The following CCDC50 variants were observed in gnomAD, a reference collection of about 807,000 sequenced individuals.
CCDC50 encodes the protein coiled-coil domain-containing protein 50.
CCDC50 carries 54 observed loss-of-function variants against 70.2 expected under a neutral mutation model. The ratio of observed to expected loss-of-function variants is 0.77; its 90% CI spans 0.62 to 0.96. The LOEUF is 0.96. Among genes scored for constraint, CCDC50 ranks in the 50% least tolerant of loss-of-function variants. The pLI is 0.00. For missense variants in CCDC50, 558 were observed against 578.7 expected, an observed-to-expected ratio of 0.96 and a Z score of 0.37; for synonymous variants, 216 against 198.8, an observed-to-expected ratio of 1.09 and a Z score of -0.73.
chr3:191,333,481 A>G (rs553380903), intron 1 of CCDC50, among the ~76,000 whole-genome samples: 1 of 152,342 alleles, frequency 6.6e-6, no homozygotes, highest in South Asian at 2.1e-4. Context: ...TGAGATGTAC[A>G]TATATCTGGC....
At chr3:191,356,657 A>T (rs1712292724) in intron 1 of CCDC50, among the ~76,000 whole-genome samples, 1 of 152,266 alleles carries the variant, frequency 6.6e-6, no homozygotes, top group African/African-American at 2.4e-5. Flanking sequence ...AACCACAGGG[A>T]AGCATAGATT....
At chr3:191,335,916 T>A (rs1346383950) in intron 1 of CCDC50, among the ~76,000 whole-genome samples, 1 of 151,266 alleles carries the variant, frequency 6.6e-6, no homozygotes, top group African/African-American at 2.4e-5. Context: ...ACCCCCAAAC[T>A]TCTCAACCCC....
chr3:191,353,632 A>G (rs994554789), intron 1 of CCDC50, among the ~76,000 whole-genome samples: 2 of 142,010 alleles, frequency 1.4e-5, no homozygotes, highest in Non-Finnish European at 3.2e-5. Context: ...TGAATATGTG[A>G]TTGTTTTCCA....
intron 5 of CCDC50, among the ~76,000 whole-genome samples, chr3:191,370,889 G>A (rs1008147700): frequency 2.0e-5 from 3 of 152,102 alleles, no homozygotes; most frequent in Non-Finnish European, 2.9e-5. Context: ...AAACTTTAGC[G>A]ACTTGGAATG....
intron 11 of CCDC50, among the ~76,000 whole-genome samples, chr3:191,390,603 T>G (rs1161662826): frequency 6.6e-6 from 1 of 152,222 alleles, no homozygotes; most frequent in African/African-American, 2.4e-5. Flanking sequence ...CCATGGCATC[T>G]GTAACCTGTC....
rs529170409 is a variant in CCDC50 at position 191,353,052 on chromosome 3, A to G, written c.50-4036A>G. ...CACCCACAAAGTCCCTGCTATGAAG[A>G]GCTTGCAGCTGGATAGGGAAGCAGC... On this transcript the variant is annotated intron_variant, in intron 1 of 11. Coordinates refer to ENST00000392455, the MANE Select transcript of CCDC50 (RefSeq NM_178335.3). 1.2e-3 allele frequency among the ~76,000 whole-genome samples: 167 copies of G among 141,868 alleles called. 19 individuals carry two copies. Among genetic ancestry groups the G allele is most frequent in the African/African-American group, 4.1e-3 (164 of 39,828 alleles). 93.1% of individuals were successfully genotyped at this position (141,868 alleles called of 152,430 possible).
At position 191,395,248 on chromosome 3, in the gene CCDC50, T is replaced by TCA. The variant is rs1310175134; in HGVS notation, c.*3488_*3489insCA. On this transcript the variant is annotated 3_prime_UTR_variant, in exon 12 of 12. Transcript: ENST00000392455. ...GCTAGATGATGAGTAAATTCTTTGCTGACTGTTGCTCATCACTTTCTCTCA... is the reference window on the plus strand; with the variant it reads ...GCTAGATGATGAGTAAATTCTTTGCTCAGACTGTTGCTCATCACTTTCTCTCA... 2 of 152,184 alleles carry TCA rather than the reference T, an allele frequency of 1.3e-5. No individual in the cohort carries two copies. The highest frequency in any genetic ancestry group is 2.4e-5 in the African/African-American group (1 of 41,456). The allele number at this position is 152,184 out of a possible 1,614,324, so 9.4% of individuals were successfully genotyped here.
chr3:191,329,806 G>C, intron 1 of CCDC50, 83 bp downstream of exon 1: 3 of 1,443,936 alleles, frequency 2.1e-6, no homozygotes, highest in East Asian at 5.0e-5. Flanking sequence ...TTGCCATTTC[G>C]GCTCCCGCGG....
Position 191,329,670 on chromosome 3 carries a change from C to A in CCDC50, c.-5C>A. The A allele has an allele frequency of 6.2e-7, 1 of 1,608,692 alleles. No homozygotes were observed. On this transcript the variant is annotated 5_prime_UTR_variant, in exon 1 of 12. Coordinates refer to ENST00000392455, the MANE Select transcript of CCDC50 (RefSeq NM_178335.3). ...TTAAAGGGGCAACCGGGACCCTGGCCCGGTATGGCTGAAGTCAGCATCGAC... is the reference window on the plus strand; with the variant it reads ...TTAAAGGGGCAACCGGGACCCTGGCACGGTATGGCTGAAGTCAGCATCGAC...
At chr3:191,362,718 T>TAAACTGC (rs1712536166) in intron 4 of CCDC50, among the ~76,000 whole-genome samples, 1 of 152,182 alleles carries the variant, frequency 6.6e-6, no homozygotes, top group Non-Finnish European at 1.5e-5. Flanking sequence ...ACAGCCTACA[T>TAAACTGC]ACACTGCTAC....
rs748408293 is a variant in CCDC50 at position 191,369,929 on chromosome 3, GC to G, written c.343del (p.Leu115PhefsTer63). ...CTCTTGTCTTTGCAGGACATAGCTC[GC>G]CTTTTGCAAGAAAAGGAGTTACAGG... ...IQEKKDEDIA[R>X]LLQEKELQEE... On this transcript the variant is annotated frameshift_variant, in exon 5 of 12. Coordinates refer to ENST00000392455, the MANE Select transcript of CCDC50 (RefSeq NM_178335.3). LOFTEE classifies it high-confidence loss of function. 2 of 1,610,270 alleles carry G rather than the reference GC, an allele frequency of 1.2e-6. No individual in the cohort carries two copies. The highest frequency in any genetic ancestry group is 1.7e-6 in the Non-Finnish European group (2 of 1,176,916).
chr3:191,378,262 C>T (rs7636707), intron 6 of CCDC50, among the ~76,000 whole-genome samples: 61,731 of 152,008 alleles, frequency 0.41, 14,200 homozygotes, highest in African/African-American at 0.63. Context: ...CTCTTTTTAA[C>T]TGCCAGAGGT....
intron 1 of CCDC50, among the ~76,000 whole-genome samples, chr3:191,335,474 T>C (rs1711504393): frequency 6.6e-6 from 1 of 152,170 alleles, no homozygotes; most frequent in Admixed American, 6.5e-5. Context: ...AGAAGGACTT[T>C]GGGGATTACT....
intron 4 of CCDC50, among the ~76,000 whole-genome samples, chr3:191,363,202 G>T (rs980191286): frequency 6.6e-5 from 10 of 152,022 alleles, no homozygotes; most frequent in African/African-American, 2.4e-4. Context: ...TATAAAATTA[G>T]CAGTTTAGTG....
At chr3:191,378,105 T>G in intron 6 of CCDC50, among the ~76,000 whole-genome samples, 1 of 152,128 alleles carries the variant, frequency 6.6e-6, no homozygotes, top group East Asian at 1.9e-4. Flanking sequence ...GTGCAGAAAT[T>G]TAGTATTCCA....
intron 5 of CCDC50, among the ~76,000 whole-genome samples, chr3:191,373,265 T>G (rs981292542): frequency 3.3e-5 from 5 of 152,122 alleles, no homozygotes; most frequent in Non-Finnish European, 7.4e-5. Context: ...ATCTTTTTCT[T>G]TCCAAGATTT....
Position 191,391,784 on chromosome 3 carries a change from A to G in CCDC50, c.*24A>G, listed in dbSNP as rs762448169. 34 of 1,605,834 alleles carry G rather than the reference A, an allele frequency of 2.1e-5. No individual in the cohort carries two copies. The highest frequency in any genetic ancestry group is 2.6e-5 in the Non-Finnish European group (31 of 1,172,910). On this transcript the variant is annotated 3_prime_UTR_variant, in exon 12 of 12. Coordinates refer to ENST00000392455, the MANE Select transcript of CCDC50 (RefSeq NM_178335.3). ...AAAAACCTAGGAATCTGCCTTGAAA[A>G]TGGACTCACTATAGCAAATATTACT...
Position 191,380,165 on chromosome 3 carries a change from A to T in CCDC50, c.983A>T (p.Lys328Met), listed in dbSNP as rs935513046. 27 of 1,561,884 alleles carry T rather than the reference A, an allele frequency of 1.7e-5. No individual in the cohort carries two copies. Among genetic ancestry groups the T allele is most frequent in the Admixed American group, 5.0e-5 (3 of 59,540 alleles). Residue 328 changes from lysine to methionine, a missense_variant, in exon 7 of 12, where the codon AAG becomes ATG. Lys to Met is a moderately conservative substitution (Grantham distance 95, BLOSUM62 -1). Transcript: ENST00000392455. ...EQLHLHDAGM[K>M]PRVMKEAVST... ...TTTTTTTTTTTTTTTAAAGGAATGAAGCCAAGAGTGATGAAAGAAGCTGTA... is the reference window on the plus strand; with the variant it reads ...TTTTTTTTTTTTTTTAAAGGAATGATGCCAAGAGTGATGAAAGAAGCTGTA...
intron 1 of CCDC50, among the ~76,000 whole-genome samples, chr3:191,342,222 A>T (rs1017279476): frequency 1.3e-5 from 2 of 152,256 alleles, no homozygotes; most frequent in African/African-American, 4.8e-5. Flanking sequence ...AATAGTTATC[A>T]GAATGGAATT....
Sources: allele counts gnomAD v4.1 joint callset (sites outside exome capture counted in the v4.1 genomes callset), GRCh38; gene constraint gnomAD v4.1.1; transcripts MANE v1.5; gene names NCBI Gene and HGNC (gene_info 2026-07-23, HGNC 2026-07-21).